The following SYT14 variants were observed in gnomAD, a reference collection of about 807,000 sequenced individuals.
SYT14 encodes the protein synaptotagmin 14.
In SYT14, 32 loss-of-function variants were observed where a neutral mutation model predicts 74.2. That is an observed-to-expected ratio of 0.43 (90% confidence interval 0.33 to 0.58). The LOEUF (loss-of-function observed/expected upper bound fraction) is 0.58. SYT14 is among the 20% of genes least tolerant of loss of function. The pLI is 0.05. For synonymous variants in SYT14, 298 were observed against 337.7 expected (o/e 0.88, Z 1.29); for missense variants, 791 against 981.8 (o/e 0.81, Z 2.60).
chr1:210,128,885 T>C (rs1337024764), intron 7 of SYT14, among the ~76,000 whole-genome samples: 3 of 152,212 alleles, frequency 2.0e-5, no homozygotes, highest in African/African-American at 4.8e-5. Context: ...TGAGTTGAAG[T>C]ATATATTTTG....
intron 5 of SYT14, among the ~76,000 whole-genome samples, chr1:210,051,977 CTTATGTTAACTT>C (rs768271197): frequency 1.8e-4 from 27 of 152,132 alleles, no homozygotes; most frequent in Non-Finnish European, 3.5e-4. Context: ...TTGTCTGCTA[CTTATGTTAACTT>C]TTGGACCCTT....
intron 5 of SYT14, among the ~76,000 whole-genome samples, chr1:210,050,163 G>C (rs1049177099): frequency 6.6e-6 from 1 of 152,110 alleles, no homozygotes; most frequent in East Asian, 1.9e-4. Context: ...ACAAAGTCAC[G>C]TCTTGAATGC....
rs1397535290 is a variant in SYT14 at position 210,090,922 on chromosome 1, T to C, written c.1313-3400T>C. Among the ~76,000 whole-genome samples the C allele has an allele frequency of 2.6e-5, 4 of 152,296 alleles. No individual in the cohort carries two copies. In the East Asian group the frequency reaches 7.7e-4, roughly 29 times the overall value. Reference sequence around the variant, plus strand: ...TTATTCCACCTACATTTGTGTGTTCTACACTTTAAAAAATAAAATGCAAAA... The same window carrying C: ...TTATTCCACCTACATTTGTGTGTTCCACACTTTAAAAAATAAAATGCAAAA... On this transcript the variant is annotated intron_variant, in intron 5 of 9. Transcript: ENST00000637265.
At chr1:210,093,880 T>C (rs1347397717) in intron 5 of SYT14, among the ~76,000 whole-genome samples, 1 of 152,158 alleles carries the variant, frequency 6.6e-6, no homozygotes, top group Non-Finnish European at 1.5e-5. Context: ...TGTAGGTGAG[T>C]TCTTGTTGAA....
At chr1:210,071,313 C>G (rs946993037) in intron 5 of SYT14, among the ~76,000 whole-genome samples, 1 of 74,778 alleles carries the variant, frequency 1.3e-5, no homozygotes, top group Admixed American at 1.1e-4. Context: ...TTTATTCACT[C>G]TATGATCTCT....
chr1:210,150,291 G>T (rs1341066900), intron 7 of SYT14, among the ~76,000 whole-genome samples: 1 of 152,200 alleles, frequency 6.6e-6, no homozygotes. Context: ...GAAGCTGCCT[G>T]TGTACAAACT....
exon 10 of SYT14, chr1:210,169,710 A>G (rs919566282): frequency 6.6e-6 from 1 of 152,114 alleles, no homozygotes; most frequent in Non-Finnish European, 1.5e-5. Context: ...GAAATAAGAA[A>G]GTGTATAAAT....
chr1:210,057,557 G>A (rs1326771958), intron 5 of SYT14, among the ~76,000 whole-genome samples: 1 of 152,118 alleles, frequency 6.6e-6, no homozygotes, highest in Non-Finnish European at 1.5e-5. Flanking sequence ...CTCACATAGT[G>A]CTTGCTGGAT....
At chr1:210,025,633 A>T (rs1249038455) in intron 5 of SYT14, among the ~76,000 whole-genome samples, 3 of 151,292 alleles carry the variant, frequency 2.0e-5, no homozygotes, top group East Asian at 3.9e-4. Flanking sequence ...AGTAGAGAAG[A>T]TTAGAGAGGA....
intron 5 of SYT14, among the ~76,000 whole-genome samples, chr1:210,026,113 A>G (rs186088271): frequency 4.4e-4 from 67 of 152,218 alleles, no homozygotes; most frequent in Non-Finnish European, 8.7e-4. Flanking sequence ...TTGGAACTAC[A>G]AAAGGGATGA....
chr1:210,041,810 C>T (rs1457076006), intron 5 of SYT14, among the ~76,000 whole-genome samples: 1 of 152,046 alleles, frequency 6.6e-6, no homozygotes, highest in African/African-American at 2.4e-5. Context: ...CACAGATAGG[C>T]AGCAGGATAA....
chr1:210,151,494 A>G (rs972430249), intron 7 of SYT14, among the ~76,000 whole-genome samples: 8 of 139,522 alleles, frequency 5.7e-5, no homozygotes, highest in African/African-American at 1.8e-4. Flanking sequence ...AGCTGAAATT[A>G]TAGGCGAATG....
exon 10 of SYT14, chr1:210,167,505 G>C (rs2083468266): frequency 6.6e-6 from 1 of 152,040 alleles, no homozygotes; most frequent in Non-Finnish European, 1.5e-5. Context: ...TTCACATATA[G>C]CCATATTTTC....
In SYT14 at chr1:210,018,291, G is replaced by T. The variant is rs150701949; in HGVS notation, c.1096+1192G>T. On this transcript the variant is annotated intron_variant, in intron 4 of 9. Transcript: ENST00000637265. The stretch of plus-strand genomic sequence containing the variant: ...TGGGACTACAGGCACGCACCACCAC[G>T]CCCAGCTAGTTTTTGTCTTTTTCAT... 3.3e-3 allele frequency among the ~76,000 whole-genome samples: 503 copies of T among 152,140 alleles called. 13 individuals carry two copies. Among genetic ancestry groups the T allele is most frequent in the Non-Finnish European group, 1.3e-3 (88 of 67,996 alleles).
intron 5 of SYT14, among the ~76,000 whole-genome samples, chr1:210,040,193 A>G (rs1282810901): frequency 2.6e-5 from 4 of 152,208 alleles, no homozygotes; most frequent in African/African-American, 9.7e-5. Context: ...GCAGCCATAA[A>G]AAGGATGAGT....
At chr1:210,015,789 T>G in exon 4 of SYT14, 233 of 898,516 alleles carry the variant, frequency 2.6e-4, no homozygotes, top group East Asian at 5.9e-4. Context: ...ACCAAGTGGT[T>G]TGATTTTTTT....
In SYT14 at chr1:209,988,651, A is replaced by G. The variant is rs550701501; in HGVS notation, c.-485-24982A>G. 6.6e-5 allele frequency among the ~76,000 whole-genome samples: 10 copies of G among 152,284 alleles called. No homozygotes were observed. The East Asian group carries it at 1.7e-3, about 26-fold the overall frequency. On this transcript the variant is annotated intron_variant, in intron 2 of 9. Transcript: ENST00000637265. ...CAAAACCTGCATTTAGTGTAAGATT[A>G]ATTTTCTGAAGCAAAATCCTTCATA...
intron 7 of SYT14, among the ~76,000 whole-genome samples, chr1:210,124,209 A>G (rs1469552887): frequency 1.3e-5 from 2 of 152,160 alleles, no homozygotes; most frequent in East Asian, 1.9e-4. Context: ...CTTTACAGAA[A>G]AAGTTTGCTA....
At chr1:210,135,696 A>C (rs1227240845) in intron 7 of SYT14, among the ~76,000 whole-genome samples, 1 of 152,082 alleles carries the variant, frequency 6.6e-6, no homozygotes, top group Non-Finnish European at 1.5e-5. Context: ...GTGCTAAATT[A>C]TTTTGTTTTC....
Sources: allele counts gnomAD v4.1 joint callset (sites outside exome capture counted in the v4.1 genomes callset), GRCh38; gene constraint gnomAD v4.1.1; transcripts MANE v1.5; gene names NCBI Gene and HGNC (gene_info 2026-07-23, HGNC 2026-07-21).